TSNARE1: variants seen among roughly 807,000 people sequenced by gnomAD.
TSNARE1 encodes the protein t-SNARE domain containing 1.
Under a neutral mutation model 62.0 loss-of-function variants are expected in TSNARE1, and 49 were observed. The observed-to-expected ratio is 0.79, with a 90% CI of 0.63 to 1.00. The LOEUF is 1.00. Among genes scored for constraint, TSNARE1 ranks in the 50% least tolerant of loss-of-function variants. The pLI is 0.00. For synonymous variants in TSNARE1, 328 were observed against 294.4 expected (o/e 1.11, Z -1.17); for missense variants, 755 against 700.1 (o/e 1.08, Z -0.88).
At chr8:142,376,591 C>G (rs371540059) in intron 1 of TSNARE1, among the ~76,000 whole-genome samples, 2 of 152,182 alleles carry the variant, frequency 1.3e-5, no homozygotes, top group Non-Finnish European at 2.9e-5. Context: ...AGACTTGTAG[C>G]CTTCAGAGTG....
At position 142,235,665 on chromosome 8, in the gene TSNARE1, C is replaced by T. The variant is rs183492310; in HGVS notation, c.1447-6086G>A. Reference sequence around the variant, plus strand: ...CAAATGCTGTAATTATTGAAATGGGCGCATTCTGCTGGGGAAAATTACAGA... The same window carrying T: ...CAAATGCTGTAATTATTGAAATGGGTGCATTCTGCTGGGGAAAATTACAGA... On this transcript the variant is annotated intron_variant, in intron 12 of 13. Transcript: ENST00000524325. Among the ~76,000 whole-genome samples the T allele has an allele frequency of 5.9e-5, 9 of 152,198 alleles. No individual in the cohort carries two copies. The East Asian group carries it at 7.7e-4, about 13-fold the overall frequency.
At chr8:142,376,833 C>T (rs1055309378) in intron 1 of TSNARE1, among the ~76,000 whole-genome samples, 3 of 152,210 alleles carry the variant, frequency 2.0e-5, no homozygotes, top group Admixed American at 6.5e-5. Context: ...GTGGACACCC[C>T]GCAGAGAGGC....
chr8:142,219,641 T>A (rs1024887722), intron 13 of TSNARE1, among the ~76,000 whole-genome samples: 1 of 152,082 alleles, frequency 6.6e-6, no homozygotes, highest in African/African-American at 2.4e-5. Flanking sequence ...CAGGGCCCCC[T>A]CCCCTCACCT....
chr8:142,242,653 T>A lies in TSNARE1; in HGVS notation c.1447-13074A>T, dbSNP rs1817716850. 1.3e-5 allele frequency among the ~76,000 whole-genome samples: 2 copies of A among 152,176 alleles called. 1 individual carries two copies. Among genetic ancestry groups the A allele is most frequent in the Admixed American group, 1.3e-4 (2 of 15,288 alleles). On this transcript the variant is annotated intron_variant, in intron 12 of 13. Transcript: ENST00000524325. Reference sequence around the variant, plus strand: ...GCAGAGGACCTGAATAGACATTTCTTGAAAGAGACATACAAAAAGCTAACA... The same window carrying A: ...GCAGAGGACCTGAATAGACATTTCTAGAAAGAGACATACAAAAAGCTAACA...
At chr8:142,395,516 A>C (rs1837835458) in intron 1 of TSNARE1, among the ~76,000 whole-genome samples, 1 of 152,172 alleles carries the variant, frequency 6.6e-6, no homozygotes, top group Non-Finnish European at 1.5e-5. Context: ...AAGCCCATGG[A>C]GCACCGCAGA....
At chr8:142,263,797 AT>A (rs1819006621) in intron 12 of TSNARE1, among the ~76,000 whole-genome samples, 1 of 152,114 alleles carries the variant, frequency 6.6e-6, no homozygotes, top group Non-Finnish European at 1.5e-5. Context: ...TCCTCTTGTT[AT>A]TTTGAAATGT....
chr8:142,311,289 AGTT>A (rs1827544177), intron 9 of TSNARE1, among the ~76,000 whole-genome samples: 1 of 68,800 alleles, frequency 1.5e-5, no homozygotes, highest in East Asian at 4.3e-4. Context: ...CAGCCTCTCT[AGTT>A]TTTTTTTTTT....
chr8:142,274,011 C>T (rs1407866740), intron 12 of TSNARE1: 6 of 985,234 alleles, frequency 6.1e-6, no homozygotes, highest in Non-Finnish European at 7.2e-6. Flanking sequence ...AGAGTGTGTG[C>T]TCTCCTGGCC....
chr8:142,400,356 A>C (rs1587170791), intron 1 of TSNARE1, among the ~76,000 whole-genome samples: 2 of 141,170 alleles, frequency 1.4e-5, no homozygotes, highest in African/African-American at 5.4e-5. Context: ...TGAGGCAGGA[A>C]AATCACTTGA....
intron 1 of TSNARE1, among the ~76,000 whole-genome samples, chr8:142,392,383 A>C (rs1837595568): frequency 6.6e-6 from 1 of 152,234 alleles, no homozygotes; most frequent in African/African-American, 2.4e-5. Flanking sequence ...TATAGTATAC[A>C]CAGAACGGTA....
intron 10 of TSNARE1, among the ~76,000 whole-genome samples, chr8:142,292,056 C>G (rs968844853): frequency 6.6e-6 from 1 of 151,850 alleles, no homozygotes; most frequent in Non-Finnish European, 1.5e-5. Flanking sequence ...CTGCCGGGGT[C>G]CTGGCAGCAT....
intron 9 of TSNARE1, among the ~76,000 whole-genome samples, chr8:142,304,859 G>A (rs2131399465): frequency 6.6e-6 from 1 of 152,356 alleles, no homozygotes; most frequent in Middle Eastern, 3.4e-3. Flanking sequence ...CACGCCCCTG[G>A]AGAGCGGCAT....
chr8:142,216,182 G>T (rs1373622084), intron 13 of TSNARE1, among the ~76,000 whole-genome samples: 2 of 152,200 alleles, frequency 1.3e-5, no homozygotes, highest in African/African-American at 4.8e-5. Flanking sequence ...CCAGGGCCCG[G>T]TGTAGAAGAA....
chr8:142,298,942 A>G (rs1389457307), intron 10 of TSNARE1, among the ~76,000 whole-genome samples: 2 of 152,188 alleles, frequency 1.3e-5, no homozygotes, highest in African/African-American at 4.8e-5. Context: ...GATGGAAACC[A>G]TCTCTGTGCT....
At chr8:142,287,876 C>T (rs564665742) in intron 10 of TSNARE1, among the ~76,000 whole-genome samples, 237 of 151,624 alleles carry the variant, frequency 1.6e-3, no homozygotes, top group African/African-American at 5.6e-3. Flanking sequence ...AACCCAGGAC[C>T]TCGGCCAGAT....
intron 1 of TSNARE1, among the ~76,000 whole-genome samples, chr8:142,392,667 G>A (rs1012996021): frequency 3.9e-5 from 6 of 152,300 alleles, no homozygotes; most frequent in Non-Finnish European, 8.8e-5. Flanking sequence ...AGGCATGGTG[G>A]CTCACACCTG....
chr8:142,281,809 G>A (rs1275252419), intron 11 of TSNARE1, among the ~76,000 whole-genome samples: 2 of 147,466 alleles, frequency 1.4e-5, no homozygotes, highest in Admixed American at 6.7e-5. Flanking sequence ...ATCTGGGAAG[G>A]CCCCTCCCTT....
At chr8:142,308,509 G>A (rs573745466) in intron 9 of TSNARE1, among the ~76,000 whole-genome samples, 57 of 152,244 alleles carry the variant, frequency 3.7e-4, no homozygotes, top group African/African-American at 1.4e-3. Flanking sequence ...AAACCCAGCC[G>A]CCACGTACGT....
At chr8:142,226,776 G>T (rs1816794903) in intron 13 of TSNARE1, among the ~76,000 whole-genome samples, 1 of 152,142 alleles carries the variant, frequency 6.6e-6, no homozygotes, top group South Asian at 2.1e-4. Context: ...GGAAGCAGCA[G>T]GGGTCAAGAA....
Sources: allele counts gnomAD v4.1 joint callset (sites outside exome capture counted in the v4.1 genomes callset), GRCh38; gene constraint gnomAD v4.1.1; transcripts MANE v1.5; gene names NCBI Gene and HGNC (gene_info 2026-07-23, HGNC 2026-07-21).